Variants in IRF2 observed in about 807,000 individuals in gnomAD.
IRF2 encodes the protein interferon regulatory factor 2.
IRF2 carries 15 observed loss-of-function variants against 40.6 expected under a neutral mutation model. The ratio of observed to expected loss-of-function variants is 0.37; its 90% CI spans 0.25 to 0.57. IRF2 has a LOEUF of 0.57. IRF2 is among the 20% of genes least tolerant of loss of function. IRF2 has a pLI of 0.77. For missense variants in IRF2, 317 were observed against 455.7 expected (o/e 0.70, Z 2.77); for synonymous variants, 151 against 165.5 (o/e 0.91, Z 0.67).
chr4:184,451,637 T>C (rs957736366), intron 1 of IRF2, among the ~76,000 whole-genome samples: 1 of 152,186 alleles, frequency 6.6e-6, no homozygotes, highest in Non-Finnish European at 1.5e-5. Flanking sequence ...TGGGATATAG[T>C]ATTTTTCTAC....
chr4:184,469,760 G>A (rs1410616197), intron 1 of IRF2, among the ~76,000 whole-genome samples: 1 of 152,170 alleles, frequency 6.6e-6, no homozygotes, highest in African/African-American at 2.4e-5. Context: ...GAGCTTCTGA[G>A]GGGGAAAATT....
intron 1 of IRF2, among the ~76,000 whole-genome samples, chr4:184,444,393 G>C (rs184528361): frequency 1.4e-4 from 21 of 152,284 alleles, no homozygotes; most frequent in African/African-American, 4.8e-4. Flanking sequence ...AAACGCAGAA[G>C]GTAACAGAAC....
At chr4:184,420,744 C>T (rs993477274) in intron 2 of IRF2, among the ~76,000 whole-genome samples, 2 of 152,194 alleles carry the variant, frequency 1.3e-5, no homozygotes, top group African/African-American at 4.8e-5. Context: ...CTACCCACAT[C>T]CACAGGGACC....
At chr4:184,399,232 T>C (rs994984585) in intron 6 of IRF2, among the ~76,000 whole-genome samples, 153 bp from the exon 7 acceptor site, 28 of 152,240 alleles carry the variant, frequency 1.8e-4, no homozygotes, top group African/African-American at 6.8e-4. Context: ...GCCTGAGCTC[T>C]GTAGCTCTGG....
At chr4:184,396,426 A>T (rs868574064) in intron 7 of IRF2, among the ~76,000 whole-genome samples, 5,284 of 139,694 alleles carry the variant, frequency 0.038, 99 homozygotes, top group African/African-American at 0.063. Flanking sequence ...ATATATATAT[A>T]TTTTTTTTTC....
At position 184,457,098 on chromosome 4, in the gene IRF2, G is replaced by A. The variant is rs536593331; in HGVS notation, c.-7+17281C>T. ...TAACACATGATACAGGTGGAATAAT[G>A]CCTCCCAAGTATCCCACACGCTAGC... On this transcript the variant is annotated intron_variant, in intron 1 of 8. Transcript: ENST00000393593. Among the ~76,000 whole-genome samples, 73 of 152,324 alleles carry A rather than the reference G, an allele frequency of 4.8e-4. No homozygotes were observed. In the South Asian group the frequency reaches 0.015, roughly 31 times the overall value.
chr4:184,399,180 C>T, intron 6 of IRF2, 101 bp from the exon 7 acceptor site: 2 of 1,218,684 alleles, frequency 1.6e-6, no homozygotes, highest in Non-Finnish European at 2.3e-6. Flanking sequence ...GGTCGCCAGG[C>T]TCCCATCACC....
chr4:184,406,546 T>G (rs1160022527), intron 6 of IRF2, among the ~76,000 whole-genome samples: 2 of 152,112 alleles, frequency 1.3e-5, no homozygotes, highest in African/African-American at 4.8e-5. Flanking sequence ...ACTTTTTATC[T>G]TATAAATAAA....
rs1738604565 is a variant in IRF2, at chr4:184,448,673, G to A, written c.-6-19603C>T. 6.6e-6 allele frequency: 1 copy of A among 152,182 alleles called. No homozygotes were observed. The highest frequency in any genetic ancestry group is 2.4e-5 in the African/African-American group (1 of 41,426). The allele number at this position is 152,182 out of a possible 1,614,324, so 9.4% of individuals were successfully genotyped here. ...TAAGGTGGAAGAAAAACCGCCAGAA[G>A]TGCCATCGCTGGGTCACTGATAGAT... On this transcript the variant is annotated intron_variant, in intron 1 of 8. Transcript: ENST00000393593. This position sits in a 1 kb window ranked among gnomAD's most constrained non-coding sequence, Gnocchi z 4.3.
intron 6 of IRF2, among the ~76,000 whole-genome samples, chr4:184,404,847 G>C (rs1357728731): frequency 6.6e-6 from 1 of 152,194 alleles, no homozygotes; most frequent in Non-Finnish European, 1.5e-5. Context: ...CAGAGTGCAG[G>C]AGGAGGCAAG....
At chr4:184,417,927 C>G (rs1252716127) in intron 5 of IRF2, among the ~76,000 whole-genome samples, 2 of 152,200 alleles carry the variant, frequency 1.3e-5, no homozygotes, top group African/African-American at 4.8e-5. Context: ...CTGCCGAGCA[C>G]AGTGAGAATC....
At chr4:184,432,943 G>C (rs544793216) in intron 1 of IRF2, among the ~76,000 whole-genome samples, 4 of 152,308 alleles carry the variant, frequency 2.6e-5, no homozygotes, top group Non-Finnish European at 4.4e-5. Context: ...TGTTGTGTGA[G>C]AGCCATCTGT....
chr4:184,398,655 C>CA (rs755314172), intron 7 of IRF2, among the ~76,000 whole-genome samples: 16,430 of 146,746 alleles, frequency 0.11, 1,077 homozygotes, highest in Non-Finnish European at 0.14. Flanking sequence ...GACTCTGTCT[C>CA]AAAAAAAAAA....
intron 1 of IRF2, among the ~76,000 whole-genome samples, chr4:184,464,994 A>T (rs1477290220): frequency 6.6e-6 from 1 of 152,184 alleles, no homozygotes; most frequent in Non-Finnish European, 1.5e-5. Context: ...GGGGCCTGAC[A>T]CAATAGTGTC....
At chr4:184,431,176 G>A (rs983478939) in intron 1 of IRF2, among the ~76,000 whole-genome samples, 2 of 152,170 alleles carry the variant, frequency 1.3e-5, no homozygotes, top group East Asian at 1.9e-4. Context: ...AGACACAAAC[G>A]GGAACCTTAG....
At position 184,388,842 on chromosome 4, in the gene IRF2, G is replaced by T; in HGVS notation, c.966C>A (p.Ser322Arg). 6.2e-7 allele frequency: 1 copy of T among 1,614,106 alleles called. No homozygotes were observed. Among genetic ancestry groups the T allele is most frequent in the Non-Finnish European group, 8.5e-7 (1 of 1,180,024 alleles). ...PLSSSMTPAS[S>R]SSRPDRETRA... ...GGGTCTCCCGGTCTGGCCGACTGCT[G>T]CTGGATGCTGGGGTCATGGAGGAAG... Residue 322 changes from serine to arginine, a missense_variant, in exon 9 of 9, where the codon AGC becomes AGA. Around this residue, in one of 2 missense-constraint regions of IRF2, gnomAD observed 262 missense variants for 334.0 expected, o/e 0.78. Coordinates refer to ENST00000393593, the MANE Select transcript of IRF2 (RefSeq NM_002199.4). This position sits in a 1 kb window ranked among gnomAD's most constrained non-coding sequence, Gnocchi z 4.6.
chr4:184,460,388 G>T (rs1221668304), intron 1 of IRF2, among the ~76,000 whole-genome samples: 5 of 152,198 alleles, frequency 3.3e-5, no homozygotes, highest in Non-Finnish European at 5.9e-5. Context: ...TTCTGGAGAT[G>T]GATGGTGGTG....
intron 1 of IRF2, chr4:184,432,105 T>G (rs1455675554): frequency 6.6e-6 from 1 of 152,238 alleles, no homozygotes; most frequent in Non-Finnish European, 1.5e-5. Flanking sequence ...AACCCAACTT[T>G]CTGTCTTTAA....
At chr4:184,428,518 C>G (rs1471237763) in intron 2 of IRF2, among the ~76,000 whole-genome samples, 1 of 152,186 alleles carries the variant, frequency 6.6e-6, no homozygotes, top group Non-Finnish European at 1.5e-5. Flanking sequence ...CCTTTTGTGA[C>G]CGGGTTCAGT....
Sources: gnomAD v4.1 joint callset for allele counts (sites outside exome capture counted in the v4.1 genomes callset) on GRCh38, gnomAD v4.1.1 for gene constraint, gnomAD v4.1.1 regional missense constraint, Gnocchi (gnomAD v3.1) non-coding constraint, MANE v1.5 for transcripts, NCBI Gene and HGNC (gene_info 2026-07-23, HGNC 2026-07-21) for gene names.